CDCP1: variants seen among roughly 807,000 people sequenced by gnomAD.
CDCP1 encodes CUB domain-containing protein 1.
CDCP1 carries 29 observed loss-of-function variants against 60.2 expected under a neutral mutation model. The ratio of observed to expected loss-of-function variants is 0.48; its 90% CI spans 0.36 to 0.66. CDCP1 has a LOEUF of 0.66. CDCP1 is among the 30% of genes least tolerant of loss of function. The probability of loss-of-function intolerance (pLI) is 0.00; values close to 1 mark genes in which losing one functional copy is unlikely to be tolerated. For synonymous variants in CDCP1, 387 were observed against 431.1 expected, an observed-to-expected ratio of 0.90 and a Z score of 1.27; for missense variants, 876 against 1,074.3, an observed-to-expected ratio of 0.82 and a Z score of 2.58.
chr3:45,103,125 CCAGT>C (rs1340388949), intron 4 of CDCP1, among the ~76,000 whole-genome samples: 1 of 152,146 alleles, frequency 6.6e-6, no homozygotes, highest in Non-Finnish European at 1.5e-5. Context: ...GTGCTCTTTT[CCAGT>C]CAGTTTCCCC....
Position 45,118,268 on chromosome 3 carries a change from C to T in CDCP1, c.292+144G>A, listed in dbSNP as rs1698826490. Reference sequence around the variant, plus strand: ...CATTTAGAACTCTAACTGGCCACATCAGAGCTAAATTAAAAAACTGTAGAG... The same window carrying T: ...CATTTAGAACTCTAACTGGCCACATTAGAGCTAAATTAAAAAACTGTAGAG... On this transcript the variant is annotated intron_variant, in intron 2 of 8. Transcript: ENST00000296129. The T allele has an allele frequency of 7.6e-6, 5 of 654,512 alleles. No homozygotes were observed. The East Asian group carries it at 1.4e-4, about 18-fold the overall frequency. 40.5% of individuals were successfully genotyped at this position (654,512 alleles called of 1,614,324 possible).
chr3:45,121,059 C>T (rs1246624590), intron 1 of CDCP1, among the ~76,000 whole-genome samples: 1 of 152,134 alleles, frequency 6.6e-6, no homozygotes, highest in Non-Finnish European at 1.5e-5. Flanking sequence ...CGTTTTAAGC[C>T]CCAAAACAAC....
At chr3:45,107,850 C>T (rs1470760558) in intron 4 of CDCP1, among the ~76,000 whole-genome samples, 6 of 152,264 alleles carry the variant, frequency 3.9e-5, no homozygotes, top group Admixed American at 3.9e-4. Context: ...GGAGTGGTGG[C>T]TCACACCTGT....
rs984740573 is a variant in CDCP1, at chr3:45,127,046, C to T, written c.83-8425G>A. Among the ~76,000 whole-genome samples the T allele has an allele frequency of 1.4e-4, 21 of 152,156 alleles. 1 individual carries two copies. Among genetic ancestry groups the T allele is most frequent in the Admixed American group, 1.1e-3 (17 of 15,278 alleles). On this transcript the variant is annotated intron_variant, in intron 1 of 8. Transcript: ENST00000296129. ...AACCAGGAACTTTCTGATGATGGTG[C>T]GTTGTTCTTACCAACAAAGTCAATC...
rs1434686845 is a variant in CDCP1 at position 45,108,672 on chromosome 3, AC to A, written c.1024+1800del. 2.7e-5 allele frequency among the ~76,000 whole-genome samples: 4 copies of A among 149,730 alleles called. No homozygotes were observed. In the Admixed American group the frequency reaches 2.7e-4, roughly 10 times the overall value. ...TAAAAATGTCTCAATGGATACACAC[AC>A]ACACACACTATATATATATGTGCAT... On this transcript the variant is annotated intron_variant, in intron 4 of 8. Coordinates refer to ENST00000296129, the MANE Select transcript of CDCP1 (RefSeq NM_022842.5).
At chr3:45,105,642 C>T (rs1055318917) in intron 4 of CDCP1, among the ~76,000 whole-genome samples, 17 of 152,226 alleles carry the variant, frequency 1.1e-4, no homozygotes, top group African/African-American at 3.6e-4. Context: ...GGCTAGTAGG[C>T]TAGAAGGCTC....
chr3:45,100,286 C>G (rs1698468658), intron 4 of CDCP1, among the ~76,000 whole-genome samples: 1 of 152,230 alleles, frequency 6.6e-6, no homozygotes. Context: ...CCCCCGTGTT[C>G]AGCTTAGTAC....
intron 1 of CDCP1, among the ~76,000 whole-genome samples, chr3:45,127,999 T>C (rs62242542): frequency 0.013 from 2,052 of 152,164 alleles, 26 homozygotes; most frequent in South Asian, 0.024. Context: ...CAGGTGCACC[T>C]CCCAACTGAA....
At chr3:45,137,075 C>G (rs1405575307) in intron 1 of CDCP1, among the ~76,000 whole-genome samples, 1 of 152,080 alleles carries the variant, frequency 6.6e-6, no homozygotes, top group African/African-American at 2.4e-5. Flanking sequence ...TAAAGTAAAA[C>G]AAAATGTAAA....
At chr3:45,107,960 T>C (rs7427295) in intron 4 of CDCP1, among the ~76,000 whole-genome samples, 1 of 151,716 alleles carries the variant, frequency 6.6e-6, no homozygotes, top group Non-Finnish European at 1.5e-5. Flanking sequence ...CTACTAAAAA[T>C]ACAAAAAATT....
chr3:45,112,494 C>G, intron 2 of CDCP1, 49 bp from the exon 3 acceptor site: 1 of 1,576,192 alleles, frequency 6.3e-7, no homozygotes, highest in Non-Finnish European at 8.6e-7. Context: ...CTCCAAGGCC[C>G]CACACCACTC....
chr3:45,095,220 C>A (rs1451613040), intron 5 of CDCP1, 127 bp downstream of exon 5: 8 of 814,534 alleles, frequency 9.8e-6, no homozygotes, highest in Admixed American at 2.3e-5. Context: ...AGGCGTGAGC[C>A]ATCGTGCCCG....
chr3:45,133,910 C>T (rs1238307996), intron 1 of CDCP1, among the ~76,000 whole-genome samples: 2 of 152,118 alleles, frequency 1.3e-5, no homozygotes, highest in African/African-American at 4.8e-5. Flanking sequence ...CTCACCACCT[C>T]CGTCACTGCC....
At chr3:45,094,202 G>A (rs1698356059) in intron 5 of CDCP1, among the ~76,000 whole-genome samples, 1 of 150,390 alleles carries the variant, frequency 6.6e-6, no homozygotes, top group Admixed American at 6.7e-5. Context: ...GGAGGTGGCT[G>A]TTGGTTTACT....
rs1232293607 is a variant in CDCP1, at chr3:45,108,951, A to ATTTTTTT, written c.1024+1521_1024+1522insAAAAAAA. Among the ~76,000 whole-genome samples, 2 of 25,096 alleles carry ATTTTTTT rather than the reference A, an allele frequency of 8.0e-5. 1 individual carries two copies. The highest frequency in any genetic ancestry group is 8.4e-4 in the Admixed American group (2 of 2,380). The allele number at this position is 25,096 out of a possible 152,430, so 16.5% of individuals were successfully genotyped here. On this transcript the variant is annotated intron_variant, in intron 4 of 8. Coordinates refer to ENST00000296129, the MANE Select transcript of CDCP1 (RefSeq NM_022842.5). ...TGCATGTATACATATATATATATAT[A>ATTTTTTT]TATTTTTTTTTTTTTTGAGATGGAG...
At chr3:45,136,935 A>G (rs1208736930) in intron 1 of CDCP1, among the ~76,000 whole-genome samples, 2 of 152,232 alleles carry the variant, frequency 1.3e-5, no homozygotes, top group South Asian at 4.1e-4. Flanking sequence ...TGGAAATGTT[A>G]TACCATGCAT....
At chr3:45,101,816 G>A (rs1286456684) in intron 4 of CDCP1, among the ~76,000 whole-genome samples, 1 of 149,772 alleles carries the variant, frequency 6.7e-6, no homozygotes, top group Non-Finnish European at 1.5e-5. Context: ...AATCTGGAAG[G>A]CAGAGGTTGC....
chr3:45,145,991 G>GGGCAAGGCCCACGCGCCCGACGC (rs1206038218), intron 1 of CDCP1, among the ~76,000 whole-genome samples: 2 of 152,124 alleles, frequency 1.3e-5, no homozygotes, highest in East Asian at 2.0e-4. Flanking sequence ...GACTCCAGGA[G>GGGCAAGGCCCACGCGCCCGACGC]GGCAAGGCCC....
intron 1 of CDCP1, among the ~76,000 whole-genome samples, chr3:45,122,606 C>T (rs1698905766): frequency 1.3e-5 from 2 of 151,562 alleles, no homozygotes; most frequent in African/African-American, 2.4e-5. Flanking sequence ...AGGTGTGCCA[C>T]CACGCCTGGC....
Sources: allele counts gnomAD v4.1 joint callset (sites outside exome capture counted in the v4.1 genomes callset), GRCh38; gene constraint gnomAD v4.1.1; transcripts MANE v1.5; gene names NCBI Gene and HGNC (gene_info 2026-07-23, HGNC 2026-07-21).